The following CPEB4 variants were observed in gnomAD, a reference collection of about 807,000 sequenced individuals.
CPEB4 encodes cytoplasmic polyadenylation element-binding protein 4.
Under a neutral mutation model 72.5 loss-of-function variants are expected in CPEB4, and 12 were observed. The ratio of observed to expected loss-of-function variants is 0.17; its 90% CI spans 0.11 to 0.27. The LOEUF is 0.27. Among genes scored for constraint, CPEB4 ranks in the 10% least tolerant of loss-of-function variants. The pLI is 1.00. For missense variants in CPEB4, 614 were observed against 908.5 expected (o/e 0.68, Z 4.17); for synonymous variants, 302 against 326.3 (o/e 0.93, Z 0.80).
chr5:173,927,137 C>T lies in CPEB4; in HGVS notation c.1208-5313C>T, dbSNP rs970375268. The stretch of plus-strand genomic sequence containing the variant: ...TTGCACTCCAGCCTGGGAGACAGAG[C>T]GAGACTCTGTCTGAAAAAATAAAAT... On this transcript the variant is annotated intron_variant, in intron 2 of 9. Transcript: ENST00000265085. 4.6e-5 allele frequency among the ~76,000 whole-genome samples: 7 copies of T among 152,052 alleles called. No homozygotes were observed. In the East Asian group the frequency reaches 1.2e-3, roughly 25 times the overall value.
At chr5:173,916,928 A>C (rs1376250029) in intron 2 of CPEB4, among the ~76,000 whole-genome samples, 1 of 152,188 alleles carries the variant, frequency 6.6e-6, no homozygotes, top group South Asian at 2.1e-4. Flanking sequence ...AAAATATGTA[A>C]TAAATAATAG....
intron 5 of CPEB4, among the ~76,000 whole-genome samples, chr5:173,948,865 G>C (rs1758124195): frequency 6.6e-6 from 1 of 152,078 alleles, no homozygotes; most frequent in Admixed American, 6.6e-5. Flanking sequence ...TAATCCCATT[G>C]AAAGGATTCT....
At chr5:173,951,349 TA>T (rs1460727226) in intron 7 of CPEB4, among the ~76,000 whole-genome samples, 4 of 152,240 alleles carry the variant, frequency 2.6e-5, no homozygotes, top group Admixed American at 6.5e-5. Flanking sequence ...TCAGTATTTT[TA>T]CTTTGAAAAC....
intron 2 of CPEB4, among the ~76,000 whole-genome samples, chr5:173,916,679 A>G (rs1287648122): frequency 1.3e-5 from 2 of 152,234 alleles, no homozygotes; most frequent in Non-Finnish European, 2.9e-5. Flanking sequence ...TTTGAAACAA[A>G]TGCTTAAATG....
rs1169805105 is a variant in CPEB4 at position 173,956,109 on chromosome 5, C to T, written c.2162C>T (p.Pro721Leu). Reference sequence around the variant, plus strand: ...CTGGTGAAGGAAGGCGGTGACCGCCCTCGGCATATTTCATTCCGCTGGAAC... The same window carrying T: ...CTGGTGAAGGAAGGCGGTGACCGCCTTCGGCATATTTCATTCCGCTGGAAC... ...KPLVKEGGDR[P>L]RHISFRWN Residue 721 changes from proline (P) to leucine (L), a missense_variant, in exon 10 of 10, where the codon CCT becomes CTT. Coordinates refer to ENST00000265085, the MANE Select transcript of CPEB4 (RefSeq NM_030627.4). The T allele has an allele frequency of 6.2e-7, 1 of 1,614,010 alleles. No homozygotes were observed. The highest frequency in any genetic ancestry group is 8.5e-7 in the Non-Finnish European group (1 of 1,180,008).
In CPEB4 at chr5:173,888,474, GA is replaced by G; in HGVS notation, c.-1255del. Reference sequence around the variant, plus strand: ...AGGAGGAAGAGGAGGAAGAAGGAAAGAAAAAGAAGAACCAGGAGGAGTCCTC... The same window carrying G: ...AGGAGGAAGAGGAGGAAGAAGGAAAGAAAAGAAGAACCAGGAGGAGTCCTC... On this transcript the variant is annotated 5_prime_UTR_variant, in exon 1 of 10. Transcript: ENST00000265085. This position sits in a 1 kb window ranked among gnomAD's most constrained non-coding sequence, Gnocchi z 4.3. The G allele has an allele frequency of 9.2e-6, 4 of 434,054 alleles. No homozygotes were observed. The highest frequency in any genetic ancestry group is 6.6e-5 in the South Asian group (1 of 15,174). 26.9% of individuals were successfully genotyped at this position (434,054 alleles called of 1,614,324 possible).
chr5:173,905,177 C>A (rs1756389877), intron 1 of CPEB4, among the ~76,000 whole-genome samples: 1 of 151,814 alleles, frequency 6.6e-6, no homozygotes, highest in Non-Finnish European at 1.5e-5. Context: ...GGGTTGAAAG[C>A]AAATTGAGTT....
rs993869635 is a variant in CPEB4 at position 173,900,479 on chromosome 5, A to T, written c.1125+9621A>T. Among the ~76,000 whole-genome samples, 1 of 152,128 alleles carries T rather than the reference A, an allele frequency of 6.6e-6. No individual in the cohort carries two copies. The highest frequency in any genetic ancestry group is 1.5e-5 in the Non-Finnish European group (1 of 68,040). ...GCCGGACCCTGCTCAGACCTAGCAG[A>T]CATGGAGAACAGGAACTCTAACAGC... On this transcript the variant is annotated intron_variant, in intron 1 of 9. Coordinates refer to ENST00000265085, the MANE Select transcript of CPEB4 (RefSeq NM_030627.4). This position sits in a 1 kb window ranked among gnomAD's most constrained non-coding sequence, Gnocchi z 4.4.
At position 173,910,846 on chromosome 5, in the gene CPEB4, A is replaced by G. The variant is rs979715380; in HGVS notation, c.1207+242A>G. On this transcript the variant is annotated intron_variant, in intron 2 of 9. Coordinates refer to ENST00000265085, the MANE Select transcript of CPEB4 (RefSeq NM_030627.4). ...GAGTACTAATTGCCAAGAATGGGCA[A>G]TTATCTCAAAGACACCAACTACATA... The G allele has an allele frequency of 1.6e-5, 7 of 444,070 alleles. No homozygotes were observed. In the East Asian group the frequency reaches 1.9e-4, roughly 12 times the overall value. The allele number at this position is 444,070 out of a possible 1,614,324, so 27.5% of individuals were successfully genotyped here.
chr5:173,889,195 A>C lies in CPEB4; in HGVS notation c.-539A>C, dbSNP rs989615988. The C allele has an allele frequency of 6.6e-6, 1 of 150,966 alleles. No homozygotes were observed. The highest frequency in any genetic ancestry group is 2.4e-5 in the African/African-American group (1 of 41,230). 9.4% of individuals were successfully genotyped at this position (150,966 alleles called of 1,614,324 possible). A position where few individuals can be genotyped will look rare whatever the true frequency, so the allele number is the denominator to read the frequency against. The stretch of plus-strand genomic sequence containing the variant: ...TAAATATATAATATATAATGTTCTT[A>C]AATTATTCCTGATTTTTTTTTAACC... On this transcript the variant is annotated 5_prime_UTR_variant, in exon 1 of 10. Transcript: ENST00000265085.
chr5:173,903,519 G>A lies in CPEB4; in HGVS notation c.1126-7004G>A, dbSNP rs981086260. 9.9e-5 allele frequency among the ~76,000 whole-genome samples: 15 copies of A among 152,258 alleles called. 1 individual carries two copies. Among genetic ancestry groups the A allele is most frequent in the Admixed American group, 9.2e-4 (14 of 15,284 alleles). ...GTCAGAGATGGGAATTCTTGGACAC[G>A]ACCCATGCTGAATGAGACTGTGGGG... On this transcript the variant is annotated intron_variant, in intron 1 of 9. Transcript: ENST00000265085.
Position 173,955,835 on chromosome 5 carries a change from G to C in CPEB4, c.1963-75G>C, listed in dbSNP as rs991183815. The C allele has an allele frequency of 8.5e-7, 1 of 1,170,200 alleles. No individual in the cohort carries two copies. Among genetic ancestry groups the C allele is most frequent in the South Asian group, 1.4e-5 (1 of 71,144 alleles). The allele number at this position is 1,170,200 out of a possible 1,614,324, so 72.5% of individuals were successfully genotyped here. On this transcript the variant is annotated intron_variant, in intron 9 of 9. Transcript: ENST00000265085. The surrounding 1 kb of genome is among the most constrained non-coding windows in gnomAD (Gnocchi z 4.7). ...TTGGAACAGATTCATTCAGATAGTG[G>C]GTGGAAATGTACATGTATGGTAAGC...
chr5:173,913,470 T>C (rs1019112045), intron 2 of CPEB4, among the ~76,000 whole-genome samples: 2 of 152,176 alleles, frequency 1.3e-5, no homozygotes, highest in Admixed American at 6.5e-5. Context: ...AGTGCTGGGA[T>C]TACAGGCGTG....
At chr5:173,932,318 A>G (rs998950158) in intron 2 of CPEB4, 132 bp from the exon 3 acceptor site, 20 of 547,826 alleles carry the variant, frequency 3.7e-5, no homozygotes, top group African/African-American at 3.5e-4. Context: ...ATTGATGAAC[A>G]TGCTGATTGA....
chr5:173,922,649 T>A lies in CPEB4; in HGVS notation c.1208-9801T>A, dbSNP rs148908017. Among the ~76,000 whole-genome samples, 1,242 of 152,356 alleles carry A rather than the reference T, an allele frequency of 8.2e-3. 5 individuals carry two copies. The highest frequency in any genetic ancestry group is 0.014 in the Middle Eastern group (4 of 294). On this transcript the variant is annotated intron_variant, in intron 2 of 9. Transcript: ENST00000265085. ...GGTTTCATACTGAAGTGTGCCTTAT[T>A]GGGAGTGGAAACTTTTCCAAGTTGA...
intron 9 of CPEB4, among the ~76,000 whole-genome samples, chr5:173,954,169 G>T (rs185914011): frequency 1.1e-4 from 16 of 152,212 alleles, no homozygotes; most frequent in African/African-American, 3.9e-4. Flanking sequence ...TGATTTTATC[G>T]TGTTGTTCTC....
rs1758167248 is a variant in CPEB4 at position 173,950,161 on chromosome 5, T to G, written c.1665+83T>G. Reference sequence around the variant, plus strand: ...TTTGAAAAACCCATAGACAACTTGATGTGTTTGGGGTACTTAATTGACATG... The same window carrying G: ...TTTGAAAAACCCATAGACAACTTGAGGTGTTTGGGGTACTTAATTGACATG... On this transcript the variant is annotated intron_variant, in intron 7 of 9. Transcript: ENST00000265085. This position sits in a 1 kb window ranked among gnomAD's most constrained non-coding sequence, Gnocchi z 5.0. The G allele has an allele frequency of 6.3e-6, 5 of 790,434 alleles. No homozygotes were observed. The highest frequency in any genetic ancestry group is 1.0e-5 in the Non-Finnish European group (5 of 477,294). The allele number at this position is 790,434 out of a possible 1,614,324, so 49.0% of individuals were successfully genotyped here.
In CPEB4 at chr5:173,892,241, G is replaced by A. The variant is rs1755838080; in HGVS notation, c.1125+1383G>A. On this transcript the variant is annotated intron_variant, in intron 1 of 9. Coordinates refer to ENST00000265085, the MANE Select transcript of CPEB4 (RefSeq NM_030627.4). ...TCAGGTGCAGTGCATCTTAAAATAT[G>A]TGGGTATATTTAGTTTTCGACTTCT... is the stretch of plus-strand genomic sequence containing the variant. Among the ~76,000 whole-genome samples the A allele has an allele frequency of 4.9e-5, 7 of 141,682 alleles. No individual in the cohort carries two copies. In the South Asian group the frequency reaches 1.6e-3, roughly 33 times the overall value. The allele number at this position is 141,682 out of a possible 152,430, so 92.9% of individuals were successfully genotyped here. A position where few individuals can be genotyped will look rare whatever the true frequency, so the allele number is the denominator to read the frequency against.
At chr5:173,949,462 A>G in intron 5 of CPEB4, 46 bp from the exon 6 acceptor site, 1 of 1,374,318 alleles carries the variant, frequency 7.3e-7, no homozygotes, top group Admixed American at 1.9e-5. Context: ...TCAAAAAATG[A>G]TCATAAAAAT....
Sources: gnomAD v4.1 joint callset for allele counts (sites outside exome capture counted in the v4.1 genomes callset) on GRCh38, gnomAD v4.1.1 for gene constraint, Gnocchi (gnomAD v3.1) non-coding constraint, MANE v1.5 for transcripts, NCBI Gene and HGNC (gene_info 2026-07-23, HGNC 2026-07-21) for gene names.